The following CSMD2 variants were observed in gnomAD, a reference collection of about 807,000 sequenced individuals.
CSMD2 encodes CUB and Sushi multiple domains 2.
In CSMD2, 130 loss-of-function variants were observed where a neutral mutation model predicts 398.5. The observed-to-expected ratio is 0.33, with a 90% CI of 0.28 to 0.38. The LOEUF (loss-of-function observed/expected upper bound fraction) is 0.38, where lower values mean the gene tolerates loss of function less well. CSMD2 is among the 10% of genes least tolerant of loss of function. CSMD2 has a pLI of 1.00. For synonymous variants in CSMD2, 1,828 were observed against 1,908.5 expected, an observed-to-expected ratio of 0.96 and a Z score of 1.10; for missense variants, 3,829 against 4,764.9, an observed-to-expected ratio of 0.80 and a Z score of 5.78.
chr1:33,864,608 G>C (rs998094341), intron 5 of CSMD2: 18 of 1,613,894 alleles, frequency 1.1e-5, no homozygotes, highest in Non-Finnish European at 1.4e-5. Flanking sequence ...ACCTGGAGAA[G>C]CACCCTTATG....
Position 33,541,216 on chromosome 1 carries a change from G to A in CSMD2, c.9371C>T (p.Pro3124Leu). Residue 3124 changes from proline (P) to leucine (L), a missense_variant, in exon 59 of 71, where the codon CCT becomes CTT. Around this residue, in one of 5 missense-constraint regions of CSMD2, gnomAD observed 917 missense variants for 1,199.5 expected, o/e 0.76. Transcript: ENST00000373381. ...TCTATGTGACTCCATCATATAGCCA[G>A]GGACACACTGATATGTCACAGTTTT... ...YNKTVTYQCV[P>L]GYMMESHRVS... The A allele has an allele frequency of 6.2e-7, 1 of 1,614,082 alleles. No homozygotes were observed. The highest frequency in any genetic ancestry group is 8.5e-7 in the Non-Finnish European group (1 of 1,179,962).
chr1:33,736,772 C>T (rs1390445168), intron 15 of CSMD2, among the ~76,000 whole-genome samples: 2 of 152,110 alleles, frequency 1.3e-5, no homozygotes, highest in African/African-American at 4.8e-5. Flanking sequence ...AGGACCAAGG[C>T]CTGTGGAACT....
chr1:33,527,208 T>TGC lies in CSMD2; in HGVS notation c.10221_10222insGC (p.Thr3408AlafsTer5). 1 of 1,614,102 alleles carries TGC rather than the reference T, an allele frequency of 6.2e-7. No individual in the cohort carries two copies. Among genetic ancestry groups the TGC allele is most frequent in the Non-Finnish European group, 8.5e-7 (1 of 1,179,934 alleles). On this transcript the variant is annotated frameshift_variant, in exon 65 of 71. Transcript: ENST00000373381. LOFTEE classifies it high-confidence loss of function. ...GGACCATACGTACTCAAGGCTTGGG[T>TGC]GAGCGGTGGCTCCCGGGCAGTGTTG...
chr1:33,626,478 C>T lies in CSMD2; in HGVS notation c.5296+8G>A. On this transcript the variant is annotated splice_region_variant and intron_variant, in intron 33 of 70. Transcript: ENST00000373381. ...CCTTCCTACCTCCGGCGTCCATGTC[C>T]TCCATACCTTGGTAGACAAAGTGGA... is the stretch of plus-strand genomic sequence containing the variant. 1 of 1,594,112 alleles carries T rather than the reference C, an allele frequency of 6.3e-7. No individual in the cohort carries two copies. Among genetic ancestry groups the T allele is most frequent in the South Asian group, 1.1e-5 (1 of 87,328 alleles).
chr1:33,551,069 C>T (rs565271660), intron 55 of CSMD2, among the ~76,000 whole-genome samples: 1 of 152,288 alleles, frequency 6.6e-6, no homozygotes, highest in Admixed American at 6.5e-5. Flanking sequence ...GATCAAGTGA[C>T]TTTGAGAAGT....
At chr1:33,939,901 A>G (rs778328628) in intron 3 of CSMD2, among the ~76,000 whole-genome samples, 17 of 152,284 alleles carry the variant, frequency 1.1e-4, no homozygotes, top group Middle Eastern at 3.4e-3. Context: ...ACTTTCCCTC[A>G]CTGGCCTTCA....
rs1304507712 is a variant in CSMD2, at chr1:33,622,176, C to T, written c.5818G>A (p.Glu1940Lys). 2 of 1,612,914 alleles carry T rather than the reference C, an allele frequency of 1.2e-6. No individual in the cohort carries two copies. Among genetic ancestry groups the T allele is most frequent in the Admixed American group, 1.7e-5 (1 of 59,994 alleles). ...ISVSAAGFHL[E>K]YKTVGLSSCP... is the part of the protein sequence containing the mutation. ...GACCCTGGATTCTCACTTTTGTACT[C>T]CAAGTGGAAGCCAGCTGCAGATACG... The change falls in exon 37 of 71, where the codon GAG (glutamate) becomes AAG (lysine). Residue 1940 changes from glutamate (E) to lysine (K), a missense_variant. By Grantham distance (56) the Glu-to-Lys change is moderately conservative. Around this residue, in one of 5 missense-constraint regions of CSMD2, gnomAD observed 2,001 missense variants for 2,567.1 expected, o/e 0.78. Coordinates refer to ENST00000373381, the MANE Select transcript of CSMD2 (RefSeq NM_001281956.2).
At chr1:33,977,986 C>T (rs1166476627) in intron 3 of CSMD2, among the ~76,000 whole-genome samples, 1 of 152,162 alleles carries the variant, frequency 6.6e-6, no homozygotes, top group Non-Finnish European at 1.5e-5. Context: ...TGGAGCACAC[C>T]TCTAAGGAGG....
chr1:34,041,337 G>A (rs1029744589), intron 2 of CSMD2, among the ~76,000 whole-genome samples: 7 of 152,158 alleles, frequency 4.6e-5, no homozygotes, highest in Non-Finnish European at 1.0e-4. Flanking sequence ...AGACCTGAGG[G>A]TCTTCCTGGA....
chr1:33,614,545 T>C lies in CSMD2; in HGVS notation c.6092A>G (p.Asn2031Ser), dbSNP rs1322044209. 6.2e-7 allele frequency: 1 copy of C among 1,612,108 alleles called. No individual in the cohort carries two copies. The highest frequency in any genetic ancestry group is 8.5e-7 in the Non-Finnish European group (1 of 1,178,600). ...SPGFPGNYPS[N>S]MDCSWKIALP... ...TGCTATTTTCCAGGAGCAGTCCATG[T>C]TACTGGGGTAGTTGCCTGGGAAGCC... Residue 2031 changes from asparagine (N) to serine (S), a missense_variant, in exon 40 of 71, where the codon AAC becomes AGC. This residue lies in a region of CSMD2 where 2,001 missense variants were observed against 2,567.1 expected (regional missense o/e 0.78). Transcript: ENST00000373381.
At chr1:33,836,664 T>C (rs6677377) in intron 6 of CSMD2, among the ~76,000 whole-genome samples, 9 of 152,064 alleles carry the variant, frequency 5.9e-5, no homozygotes, top group East Asian at 3.9e-4. Flanking sequence ...CTCTGAGCCA[T>C]GCGTGGGATA....
intron 5 of CSMD2, among the ~76,000 whole-genome samples, chr1:33,874,414 T>C (rs964263187): frequency 2.0e-5 from 3 of 152,252 alleles, no homozygotes; most frequent in African/African-American, 7.2e-5. Context: ...TCATGTTTGA[T>C]GGAAAATGAA....
chr1:33,893,852 T>G (rs1039641993), intron 5 of CSMD2, among the ~76,000 whole-genome samples: 27 of 152,198 alleles, frequency 1.8e-4, no homozygotes, highest in Non-Finnish European at 8.8e-5. Flanking sequence ...TCTCAATGGT[T>G]AATTGCCAAG....
chr1:33,612,058 G>T (rs1198911948), intron 40 of CSMD2, among the ~76,000 whole-genome samples: 2 of 152,156 alleles, frequency 1.3e-5, no homozygotes, highest in African/African-American at 4.8e-5. Flanking sequence ...ATATTAATTT[G>T]CCTGCTAGGA....
intron 3 of CSMD2, among the ~76,000 whole-genome samples, chr1:33,969,497 G>A (rs143929957): frequency 6.6e-5 from 10 of 152,146 alleles, no homozygotes; most frequent in South Asian, 2.1e-4. Context: ...TATTTATTGC[G>A]TAGTTACAGA....
chr1:34,078,529 T>C (rs10914860), intron 2 of CSMD2, among the ~76,000 whole-genome samples: 15,259 of 152,178 alleles, frequency 0.1, 1,029 homozygotes, highest in Middle Eastern at 0.2. Flanking sequence ...CACGTAAGCA[T>C]CTATAGCTGG....
At chr1:34,088,156 A>T (rs1658129294) in intron 2 of CSMD2, among the ~76,000 whole-genome samples, 1 of 152,138 alleles carries the variant, frequency 6.6e-6, no homozygotes, top group Admixed American at 6.5e-5. Flanking sequence ...GCTGGGAACC[A>T]CTCATTAGTG....
At chr1:34,087,650 T>C (rs1180206405) in intron 2 of CSMD2, among the ~76,000 whole-genome samples, 1 of 138,030 alleles carries the variant, frequency 7.2e-6, no homozygotes, top group African/African-American at 2.7e-5. Flanking sequence ...ATAATAATAA[T>C]AATAATAAAG....
chr1:33,954,578 G>A (rs1456026899), intron 3 of CSMD2, among the ~76,000 whole-genome samples: 2 of 152,112 alleles, frequency 1.3e-5, no homozygotes, highest in Non-Finnish European at 2.9e-5. Context: ...TGGGTGAATG[G>A]CTAAACAAAA....
Sources: gnomAD v4.1 joint callset for allele counts (sites outside exome capture counted in the v4.1 genomes callset) on GRCh38, gnomAD v4.1.1 for gene constraint, gnomAD v4.1.1 regional missense constraint, MANE v1.5 for transcripts, NCBI Gene and HGNC (gene_info 2026-07-23, HGNC 2026-07-21) for gene names.